CDH18: variants seen among roughly 807,000 people sequenced by gnomAD.
CDH18 encodes the protein cadherin-18.
Under a neutral mutation model 67.9 loss-of-function variants are expected in CDH18, and 31 were observed. The ratio of observed to expected loss-of-function variants is 0.46; its 90% CI spans 0.34 to 0.62. The LOEUF (loss-of-function observed/expected upper bound fraction) is 0.62. CDH18 is among the 20% of genes least tolerant of loss of function. The pLI, the probability that CDH18 is intolerant of heterozygous loss-of-function variation, is 0.01. For synonymous variants in CDH18, 362 were observed against 347.2 expected (o/e 1.04, Z -0.48); for missense variants, 890 against 975.5 (o/e 0.91, Z 1.17).
intron 2 of CDH18, among the ~76,000 whole-genome samples, chr5:19,911,775 T>C (rs575812766): frequency 1.3e-5 from 2 of 152,316 alleles, no homozygotes; most frequent in African/African-American, 2.4e-5. Context: ...TATTTTGTTA[T>C]AGTAGTTCAC....
intron 2 of CDH18, among the ~76,000 whole-genome samples, chr5:19,877,315 C>T (rs1345012543): frequency 6.6e-6 from 1 of 152,050 alleles, no homozygotes; most frequent in Non-Finnish European, 1.5e-5. Context: ...TCCTAAGTAA[C>T]TGTACTTTAC....
At chr5:20,208,591 AC>A (rs1255321638) in intron 2 of CDH18, among the ~76,000 whole-genome samples, 1 of 152,106 alleles carries the variant, frequency 6.6e-6, no homozygotes, top group African/African-American at 2.4e-5. Flanking sequence ...AAAGACTTAA[AC>A]CTACGACTGG....
chr5:19,900,575 T>C (rs940283513), intron 2 of CDH18, among the ~76,000 whole-genome samples: 1 of 152,144 alleles, frequency 6.6e-6, no homozygotes, highest in African/African-American at 2.4e-5. Flanking sequence ...ATATGTACAC[T>C]TATGTGTCTA....
chr5:20,039,048 T>A (rs1008504608), intron 2 of CDH18, among the ~76,000 whole-genome samples: 1 of 151,708 alleles, frequency 6.6e-6, no homozygotes, highest in Non-Finnish European at 1.5e-5. Context: ...TTTACACCAA[T>A]AACAGACAAA....
intron 4 of CDH18, among the ~76,000 whole-genome samples, chr5:19,740,372 T>C (rs1581140335): frequency 6.6e-6 from 1 of 152,140 alleles, no homozygotes; most frequent in African/African-American, 2.4e-5. Context: ...AACTTCTAGA[T>C]TTAAAACATT....
chr5:20,061,070 T>C (rs1489248952), intron 2 of CDH18, among the ~76,000 whole-genome samples: 2 of 152,092 alleles, frequency 1.3e-5, no homozygotes, highest in African/African-American at 2.4e-5. Context: ...ATACTATATA[T>C]GATCAGTTTG....
chr5:19,644,650 T>G (rs1754475801), intron 5 of CDH18, among the ~76,000 whole-genome samples: 1 of 152,156 alleles, frequency 6.6e-6, no homozygotes, highest in Non-Finnish European at 1.5e-5. Context: ...TAAATGCATA[T>G]TCTCCATATA....
At chr5:19,873,650 C>A (rs1786584808) in intron 2 of CDH18, among the ~76,000 whole-genome samples, 1 of 150,142 alleles carries the variant, frequency 6.7e-6, no homozygotes, top group African/African-American at 2.4e-5. Context: ...TCAAAAAAAA[C>A]TTTTTTTTTT....
At chr5:20,027,777 G>A (rs926438845) in intron 2 of CDH18, among the ~76,000 whole-genome samples, 6 of 152,102 alleles carry the variant, frequency 3.9e-5, no homozygotes, top group Admixed American at 2.0e-4. Flanking sequence ...TTTTTATATG[G>A]TGGTCTTGAA....
rs1390592064 is a variant in CDH18, at chr5:20,539,780, A to ACC, written c.-580+35680_-580+35681dup. 1.7e-3 allele frequency among the ~76,000 whole-genome samples: 246 copies of ACC among 149,034 alleles called. 4 individuals carry two copies. In the East Asian group the frequency reaches 0.04, roughly 24 times the overall value. On this transcript the variant is annotated intron_variant, in intron 1 of 14. Transcript: ENST00000507958. ...CAAACACACACACACACACACACAC[A>ACC]CCCTCCCTAGAAAAGAATAAACACA... is the stretch of plus-strand genomic sequence containing the variant.
upstream of CDH18, among the ~76,000 whole-genome samples, chr5:19,991,277 C>T (rs887803497): frequency 1.3e-5 from 2 of 152,058 alleles, no homozygotes; most frequent in Non-Finnish European, 2.9e-5. Flanking sequence ...GTTTTTAGAG[C>T]GGTCAACTGC....
intron 5 of CDH18, among the ~76,000 whole-genome samples, chr5:19,632,738 C>T (rs1279112568): frequency 6.6e-6 from 1 of 152,182 alleles, no homozygotes; most frequent in Non-Finnish European, 1.5e-5. Context: ...TTATGAGTTA[C>T]AAACACCTGG....
intron 1 of CDH18, among the ~76,000 whole-genome samples, chr5:20,387,091 G>T (rs1472563297): frequency 2.6e-5 from 4 of 152,054 alleles, no homozygotes; most frequent in Non-Finnish European, 5.9e-5. Context: ...ATGGGTCATG[G>T]TCTTATTTAT....
At chr5:19,648,499 A>C (rs1755110575) in intron 5 of CDH18, among the ~76,000 whole-genome samples, 2 of 152,200 alleles carry the variant, frequency 1.3e-5, no homozygotes, top group Admixed American at 1.3e-4. Flanking sequence ...GTTGCATATC[A>C]GTGATCAATT....
intron 1 of CDH18, among the ~76,000 whole-genome samples, chr5:20,276,781 C>A (rs183388707): frequency 6.6e-6 from 1 of 152,238 alleles, no homozygotes; most frequent in Non-Finnish European, 1.5e-5. Context: ...CAGAGGGGAG[C>A]CCATTGCCCT....
At chr5:20,322,185 G>T (rs1479475473) in intron 1 of CDH18, among the ~76,000 whole-genome samples, 1 of 152,106 alleles carries the variant, frequency 6.6e-6, no homozygotes, top group Non-Finnish European at 1.5e-5. Flanking sequence ...ATCTGAGAAT[G>T]TGATGTTGTA....
intron 6 of CDH18, among the ~76,000 whole-genome samples, chr5:19,602,896 C>T (rs990946032): frequency 3.3e-5 from 5 of 151,920 alleles, no homozygotes; most frequent in South Asian, 2.1e-4. Context: ...ATCCAGGAGG[C>T]GGAGGGTGCA....
At chr5:19,633,955 G>T (rs1370080071) in intron 5 of CDH18, among the ~76,000 whole-genome samples, 4 of 152,028 alleles carry the variant, frequency 2.6e-5, no homozygotes, top group Admixed American at 2.6e-4. Flanking sequence ...GTAGGCCCTG[G>T]TAGAAATGGT....
intron 1 of CDH18, among the ~76,000 whole-genome samples, chr5:20,533,003 T>C (rs1756509683): frequency 6.6e-6 from 1 of 152,044 alleles, no homozygotes; most frequent in Non-Finnish European, 1.5e-5. Flanking sequence ...TGTGACGTTT[T>C]TTGGAGACAT....
Sources: allele counts gnomAD v4.1 joint callset (sites outside exome capture counted in the v4.1 genomes callset), GRCh38; gene constraint gnomAD v4.1.1; transcripts MANE v1.5; gene names NCBI Gene and HGNC (gene_info 2026-07-23, HGNC 2026-07-21).